TBC1D24: variants seen among roughly 807,000 people sequenced by gnomAD.
TBC1D24 encodes Infantile myoclonic epilepsy.
Under a neutral mutation model 50.7 loss-of-function variants are expected in TBC1D24, and 47 were observed. The ratio of observed to expected loss-of-function variants is 0.93; its 90% CI spans 0.73 to 1.18. TBC1D24 has a LOEUF of 1.18. Ranked by LOEUF, TBC1D24 falls within the 50% of genes most tolerant of loss-of-function variation. TBC1D24 has a pLI of 0.00. For synonymous variants in TBC1D24, 324 were observed against 335.2 expected, an observed-to-expected ratio of 0.97 and a Z score of 0.36; for missense variants, 688 against 766.5, an observed-to-expected ratio of 0.90 and a Z score of 1.21.
chr16:2,500,842 C>T lies in TBC1D24; in HGVS notation c.1564C>T (p.Leu522=). 1 of 1,609,284 alleles carries T rather than the reference C, an allele frequency of 6.2e-7. No homozygotes were observed. The highest frequency in any genetic ancestry group is 8.5e-7 in the Non-Finnish European group (1 of 1,179,894). Residue 522 remains leucine, a synonymous_variant, in exon 8 of 8, where the codon CTG becomes TTG. Transcript: ENST00000646147. This position sits in a 1 kb window ranked among gnomAD's most constrained non-coding sequence, Gnocchi z 8.0. ...CCAGGCGCTCTACATCGATGGGGAC[C>T]TGAACCGGGGCCGCACAAGCCACTG... ...GGQALYIDGD[L]NRGRTSHCDT...
At chr16:2,494,300 T>C (rs891312137) in intron 1 of TBC1D24, among the ~76,000 whole-genome samples, 13 of 151,592 alleles carry the variant, frequency 8.6e-5, no homozygotes, top group African/African-American at 3.2e-4. Flanking sequence ...TAGTCCCAGC[T>C]ACTCAGGAGG....
Position 2,500,761 on chromosome 16 carries a change from C to G in TBC1D24, c.1526-43C>G. The G allele has an allele frequency of 6.3e-7, 1 of 1,575,878 alleles. No individual in the cohort carries two copies. The highest frequency in any genetic ancestry group is 1.3e-5 in the African/African-American group (1 of 74,576). On this transcript the variant is annotated intron_variant, in intron 7 of 7. Coordinates refer to ENST00000646147, the MANE Select transcript of TBC1D24 (RefSeq NM_001199107.2). This position sits in a 1 kb window ranked among gnomAD's most constrained non-coding sequence, Gnocchi z 8.0. ...AGCAGGTGAGGTGCCTGGGTCAGTGCTGATAGGGCAGTCAGGCCGCCACTG... is the reference window on the plus strand; with the variant it reads ...AGCAGGTGAGGTGCCTGGGTCAGTGGTGATAGGGCAGTCAGGCCGCCACTG...
Position 2,499,693 on chromosome 16 carries a change from C to G in TBC1D24, c.1207-142C>G, listed in dbSNP as rs903023297. 5.9e-5 allele frequency: 49 copies of G among 832,994 alleles called. No homozygotes were observed. The highest frequency in any genetic ancestry group is 3.5e-4 in the East Asian group (14 of 40,308). The allele number at this position is 832,994 out of a possible 1,614,324, so 51.6% of individuals were successfully genotyped here. A position where few individuals can be genotyped will look rare whatever the true frequency, so the allele number is the denominator to read the frequency against. ...CACCTGCAACACTGCCTTTCCCACA[C>G]CACTCCTGCCCTGGGGTGGGGGTGG... is the stretch of plus-strand genomic sequence containing the variant. On this transcript the variant is annotated intron_variant, in intron 5 of 7. Transcript: ENST00000646147. The surrounding 1 kb of genome is among the most constrained non-coding windows in gnomAD (Gnocchi z 4.0).
Position 2,500,862 on chromosome 16 carries a change from C to T in TBC1D24, c.1584C>T (p.Ser528=), listed in dbSNP as rs1484557979. Residue 528 remains serine, a synonymous_variant, in exon 8 of 8, where the codon AGC becomes AGT. Coordinates refer to ENST00000646147, the MANE Select transcript of TBC1D24 (RefSeq NM_001199107.2). This position sits in a 1 kb window ranked among gnomAD's most constrained non-coding sequence, Gnocchi z 8.0. ...GGGACCTGAACCGGGGCCGCACAAGCCACTGCGACACCTTCAACAACCAGC... is the reference window on the plus strand; with the variant it reads ...GGGACCTGAACCGGGGCCGCACAAGTCACTGCGACACCTTCAACAACCAGC... ...IDGDLNRGRT[S]HCDTFNNQPL... is the part of the protein sequence containing the mutation. 6.2e-7 allele frequency: 1 copy of T among 1,612,520 alleles called. No homozygotes were observed.
At chr16:2,494,338 G>T (rs1053535649) in intron 1 of TBC1D24, among the ~76,000 whole-genome samples, 3 of 151,992 alleles carry the variant, frequency 2.0e-5, no homozygotes, top group Non-Finnish European at 2.9e-5. Flanking sequence ...CTTGAGCCCG[G>T]GAGGCGGAAG....
At position 2,497,652 on chromosome 16, in the gene TBC1D24, C is replaced by A. The variant is rs1485120022; in HGVS notation, c.966-58C>A. On this transcript the variant is annotated intron_variant, in intron 2 of 7. Transcript: ENST00000646147. ...TCGGGGGATCGGTACTCACACTAAC[C>A]TCTCTTTGTCTGTTTTATTTTTCTT... The A allele has an allele frequency of 5.3e-6, 8 of 1,515,426 alleles. 1 individual carries two copies. In the East Asian group the frequency reaches 2.0e-4, roughly 37 times the overall value. The allele number at this position is 1,515,426 out of a possible 1,614,324, so 93.9% of individuals were successfully genotyped here.
Position 2,475,392 on chromosome 16 carries a change from C to T in TBC1D24, c.-116+222C>T, listed in dbSNP as rs1166170885. 2.0e-5 allele frequency among the ~76,000 whole-genome samples: 3 copies of T among 151,878 alleles called. No homozygotes were observed. The highest frequency in any genetic ancestry group is 3.9e-4 in the East Asian group (2 of 5,130). On this transcript the variant is annotated intron_variant, in intron 1 of 7. Coordinates refer to ENST00000646147, the MANE Select transcript of TBC1D24 (RefSeq NM_001199107.2). This position sits in a 1 kb window ranked among gnomAD's most constrained non-coding sequence, Gnocchi z 4.2. ...GCGGCTTGGCCTACGGGAGGGGGCG[C>T]AGGAGCGGGACCCCCTGGGCGCGAG...
Position 2,489,237 on chromosome 16 carries a change from C to G in TBC1D24, c.-115-6797C>G, listed in dbSNP as rs2065676873. On this transcript the variant is annotated intron_variant, in intron 1 of 7. Coordinates refer to ENST00000646147, the MANE Select transcript of TBC1D24 (RefSeq NM_001199107.2). ...ACGAGGTCAGGAGTTCGAGATCAGC[C>G]TGGCCAACATGGTGAAATCCCATCT... Among the ~76,000 whole-genome samples, 5 of 151,838 alleles carry G rather than the reference C, an allele frequency of 3.3e-5. No individual in the cohort carries two copies. The South Asian group carries it at 1.0e-3, about 32-fold the overall frequency.
chr16:2,478,241 A>C (rs2065583998), intron 1 of TBC1D24: 1 of 152,330 alleles, frequency 6.6e-6, no homozygotes, highest in Admixed American at 6.5e-5. Context: ...ACTTGAGCCC[A>C]GGAGTTGCAG....
chr16:2,476,202 C>T (rs955456843), intron 1 of TBC1D24, among the ~76,000 whole-genome samples: 7 of 152,208 alleles, frequency 4.6e-5, no homozygotes, highest in African/African-American at 1.7e-4. Flanking sequence ...GCACGTGGGC[C>T]GTTTCCTCCA....
chr16:2,484,197 G>A (rs1269627168), intron 1 of TBC1D24: 1 of 152,184 alleles, frequency 6.6e-6, no homozygotes, highest in Admixed American at 6.5e-5. Context: ...GATGGCTGTG[G>A]CCTCTGCACA....
intron 1 of TBC1D24, chr16:2,484,356 G>A (rs1222297826): frequency 6.6e-6 from 1 of 152,402 alleles, no homozygotes; most frequent in African/African-American, 2.4e-5. Flanking sequence ...ACTGCTTAGA[G>A]CAAGTCTTGT....
At position 2,504,976 on chromosome 16, in the gene TBC1D24, A is replaced by T. The variant is rs2065823797; in HGVS notation, c.*4018A>T. The T allele has an allele frequency of 6.6e-6, 1 of 151,844 alleles. No individual in the cohort carries two copies. The highest frequency in any genetic ancestry group is 2.1e-4 in the South Asian group (1 of 4,812). The allele number at this position is 151,844 out of a possible 1,614,324, so 9.4% of individuals were successfully genotyped here. A position where few individuals can be genotyped will look rare whatever the true frequency, so the allele number is the denominator to read the frequency against. ...AGTCTTGAACTCCTGGACTCAAGCA[A>T]TCCTCCCGCCTCTGCCTCCCTAAAT... is the stretch of plus-strand genomic sequence containing the variant. On this transcript the variant is annotated 3_prime_UTR_variant, in exon 8 of 8. Coordinates refer to ENST00000646147, the MANE Select transcript of TBC1D24 (RefSeq NM_001199107.2).
rs1015274478 is a variant in TBC1D24, at chr16:2,487,095, C to G, written c.-115-8939C>G. ...CCCGCCTCTTAGCGCATCCCAGCCC[C>G]TCAGCACTGCCAGGGCCGCCCAGCT... On this transcript the variant is annotated intron_variant, in intron 1 of 7. Transcript: ENST00000646147. This position sits in a 1 kb window ranked among gnomAD's most constrained non-coding sequence, Gnocchi z 4.1. Among the ~76,000 whole-genome samples the G allele has an allele frequency of 1.3e-5, 2 of 152,268 alleles. No individual in the cohort carries two copies. The highest frequency in any genetic ancestry group is 3.9e-4 in the East Asian group (2 of 5,194).
intron 1 of TBC1D24, among the ~76,000 whole-genome samples, chr16:2,489,603 T>G (rs922248857): frequency 6.6e-6 from 1 of 152,066 alleles, no homozygotes; most frequent in Non-Finnish European, 1.5e-5. Flanking sequence ...GCACTGGGTA[T>G]GGAGGGCAGC....
rs753258278 is a variant in TBC1D24, at chr16:2,500,414, G to A, written c.1449G>A (p.Leu483=). The part of the protein sequence containing the change: ...SDPADRLSPF[L]AARHFNLPSK... ...CCGCTGACCGCCTCTCGCCCTTCCT[G>A]GCCGCTCGCCACTTCAACCTGCCCT... Residue 483 remains leucine, a synonymous_variant, in exon 7 of 8, where the codon CTG becomes CTA. Coordinates refer to ENST00000646147, the MANE Select transcript of TBC1D24 (RefSeq NM_001199107.2). The surrounding 1 kb of genome is among the most constrained non-coding windows in gnomAD (Gnocchi z 8.0). 1 of 1,602,696 alleles carries A rather than the reference G, an allele frequency of 6.2e-7. No individual in the cohort carries two copies. The highest frequency in any genetic ancestry group is 2.3e-5 in the East Asian group (1 of 44,350).
rs139587994 is a variant in TBC1D24, at chr16:2,505,587, G to C, written c.*4629G>C. Reference sequence around the variant, plus strand: ...GACTGATGCTTTGGAGCCTCTCAATGAATGTAATAAAAAAAATGTGTAGTG... The same window carrying C: ...GACTGATGCTTTGGAGCCTCTCAATCAATGTAATAAAAAAAATGTGTAGTG... On this transcript the variant is annotated 3_prime_UTR_variant, in exon 8 of 8. Coordinates refer to ENST00000646147, the MANE Select transcript of TBC1D24 (RefSeq NM_001199107.2). 1.7e-4 allele frequency: 26 copies of C among 152,326 alleles called. No individual in the cohort carries two copies. The highest frequency in any genetic ancestry group is 2.9e-4 in the Non-Finnish European group (20 of 68,024). 9.4% of individuals were successfully genotyped at this position (152,326 alleles called of 1,614,324 possible). A position where few individuals can be genotyped will look rare whatever the true frequency, so the allele number is the denominator to read the frequency against.
At position 2,496,486 on chromosome 16, in the gene TBC1D24, C is replaced by A. The variant is rs770820144; in HGVS notation, c.338C>A (p.Ala113Asp). 9 of 1,610,042 alleles carry A rather than the reference C, an allele frequency of 5.6e-6. No individual in the cohort carries two copies. In the South Asian group the frequency reaches 9.9e-5, roughly 18 times the overall value. Residue 113 changes from alanine to aspartate, a missense_variant, in exon 2 of 8, where the codon GCC becomes GAC. Ala to Asp is a moderately radical substitution (Grantham distance 126). Coordinates refer to ENST00000646147, the MANE Select transcript of TBC1D24 (RefSeq NM_001199107.2). ...SYCLNARGEG[A>D]VRKILLCLAN... is the part of the protein sequence containing the mutation. ...TGCCTGAATGCACGCGGCGAGGGGG[C>A]CGTGCGCAAGATCCTCCTGTGCCTG... is the stretch of plus-strand genomic sequence containing the variant.
rs2065809207 is a variant in TBC1D24, at chr16:2,503,291, C to T, written c.*2333C>T. The T allele has an allele frequency of 1.3e-5, 2 of 152,012 alleles. No homozygotes were observed. The allele number at this position is 152,012 out of a possible 1,614,324, so 9.4% of individuals were successfully genotyped here. A position where few individuals can be genotyped will look rare whatever the true frequency, so the allele number is the denominator to read the frequency against. Reference sequence around the variant, plus strand: ...ATCTTTTCCTAACTTTTCTACTAACCTAGAAGGTATGTGTGATTATTATCT... The same window carrying T: ...ATCTTTTCCTAACTTTTCTACTAACTTAGAAGGTATGTGTGATTATTATCT... On this transcript the variant is annotated 3_prime_UTR_variant, in exon 8 of 8. Transcript: ENST00000646147.
Sources: gnomAD v4.1 joint callset for allele counts (sites outside exome capture counted in the v4.1 genomes callset) on GRCh38, gnomAD v4.1.1 for gene constraint, Gnocchi (gnomAD v3.1) non-coding constraint, MANE v1.5 for transcripts, NCBI Gene and HGNC (gene_info 2026-07-23, HGNC 2026-07-21) for gene names.